Variants in FHOD1 observed in about 807,000 individuals in gnomAD.
The protein encoded by FHOD1 is FH1/FH2 domain-containing protein 1.
Under a neutral mutation model 111.6 loss-of-function variants are expected in FHOD1, and 89 were observed. The observed-to-expected ratio is 0.80, with a 90% CI of 0.67 to 0.95. FHOD1 has a LOEUF of 0.95. FHOD1 is among the 40% of genes least tolerant of loss of function. The pLI, the probability that FHOD1 is intolerant of heterozygous loss-of-function variation, is 0.00. For synonymous variants in FHOD1, 618 were observed against 639.0 expected (o/e 0.97, Z 0.50); for missense variants, 1,446 against 1,554.2 (o/e 0.93, Z 1.17).
At position 67,236,743 on chromosome 16, in the gene FHOD1, G is replaced by C. The variant is rs1285283811; in HGVS notation, c.1143-10C>G. On this transcript the variant is annotated splice_polypyrimidine_tract_variant and intron_variant, in intron 10 of 21. Transcript: ENST00000258201. ...GGCGGGGCCTGTGGGGCTGAAAGCA[G>C]GGGCTGTCAGTGGGGCGGGGCCTGA... 6.5e-7 allele frequency: 1 copy of C among 1,527,252 alleles called. No homozygotes were observed. The highest frequency in any genetic ancestry group is 2.4e-5 in the East Asian group (1 of 41,532). 94.6% of individuals were successfully genotyped at this position (1,527,252 alleles called of 1,614,324 possible).
chr16:67,237,010 A>ACGG lies in FHOD1; in HGVS notation c.1095_1097dup (p.Arg366dup), dbSNP rs779071545. The stretch of plus-strand genomic sequence containing the variant: ...CGGGGCAGCCCCCGCCTTCCAGAGA[A>ACGG]CGGCGGCTCCTCTTGCCCTCCTCAG... On this transcript the variant is annotated inframe_insertion, in exon 10 of 22. Transcript: ENST00000258201. This position sits in a 1 kb window ranked among gnomAD's most constrained non-coding sequence, Gnocchi z 5.6. The ACGG allele has an allele frequency of 1.4e-5, 23 of 1,610,338 alleles. No individual in the cohort carries two copies. The highest frequency in any genetic ancestry group is 2.0e-5 in the Non-Finnish European group (23 of 1,178,574).
chr16:67,241,114 A>ACCCCCCCCCCCCCCC (rs1186229148), intron 1 of FHOD1, among the ~76,000 whole-genome samples: 9 of 83,266 alleles, frequency 1.1e-4, no homozygotes, highest in Admixed American at 4.7e-4. Context: ...CCCTTGGATG[A>ACCCCCCCCCCCCCCC]CCCCCCCCCC....
chr16:67,241,114 A>ACCCCCCCCCCCC lies in FHOD1; in HGVS notation c.202-1661_202-1660insGGGGGGGGGGGG, dbSNP rs1186229148. 7.2e-4 allele frequency among the ~76,000 whole-genome samples: 60 copies of ACCCCCCCCCCCC among 83,304 alleles called. 1 individual carries two copies. The highest frequency in any genetic ancestry group is 1.7e-3 in the African/African-American group (31 of 17,758). 54.7% of individuals were successfully genotyped at this position (83,304 alleles called of 152,430 possible). ...GTTTAGCCTGTGGGGCCCTTGGATGACCCCCCCCCCCGCCCACCCCCGCCT... is the reference window on the plus strand; with the variant it reads ...GTTTAGCCTGTGGGGCCCTTGGATGACCCCCCCCCCCCCCCCCCCCCCCGCCCACCCCCGCCT... On this transcript the variant is annotated intron_variant, in intron 1 of 21. Transcript: ENST00000258201.
At chr16:67,245,472 A>G (rs1053873037) in intron 1 of FHOD1, among the ~76,000 whole-genome samples, 1 of 152,168 alleles carries the variant, frequency 6.6e-6, no homozygotes, top group African/African-American at 2.4e-5. Context: ...GGGGCTGGGC[A>G]TGGTGGCTCA....
chr16:67,231,975 A>G lies in FHOD1; in HGVS notation c.2202+64T>C. ...CATGCCCACCACCAGAGGGACAGGAAATGCCCACCTACCAAAGGAGAAGGC... is the reference window on the plus strand; with the variant it reads ...CATGCCCACCACCAGAGGGACAGGAGATGCCCACCTACCAAAGGAGAAGGC... On this transcript the variant is annotated intron_variant, in intron 14 of 21. Coordinates refer to ENST00000258201, the MANE Select transcript of FHOD1 (RefSeq NM_013241.3). This position sits in a 1 kb window ranked among gnomAD's most constrained non-coding sequence, Gnocchi z 4.3. The G allele has an allele frequency of 1.3e-6, 2 of 1,594,030 alleles. No individual in the cohort carries two copies. Among genetic ancestry groups the G allele is most frequent in the Non-Finnish European group, 1.7e-6 (2 of 1,168,048 alleles).
At position 67,237,492 on chromosome 16, in the gene FHOD1, C is replaced by A; in HGVS notation, c.832G>T (p.Val278Phe). 6.2e-7 allele frequency: 1 copy of A among 1,614,152 alleles called. No homozygotes were observed. The highest frequency in any genetic ancestry group is 1.3e-5 in the African/African-American group (1 of 75,010). The change falls in exon 8 of 22, where the codon GTC (valine) becomes TTC (phenylalanine). Residue 278 changes from valine to phenylalanine, a missense_variant. Around this residue, in one of 3 missense-constraint regions of FHOD1, gnomAD observed 234 missense variants for 327.4 expected, o/e 0.71. Coordinates refer to ENST00000258201, the MANE Select transcript of FHOD1 (RefSeq NM_013241.3). The surrounding 1 kb of genome is among the most constrained non-coding windows in gnomAD (Gnocchi z 5.6). ...GGCCACACCTTGTTGATGAGGGTGA[C>A]CGTGTACACCAACAACTCAGGGTCA... ...GADPELLVYT[V>F]TLINKTLAAL... is the part of the protein sequence containing the mutation.
intron 10 of FHOD1, 47 bp downstream of exon 10, chr16:67,236,919 A>G (rs887692010): frequency 1.3e-6 from 2 of 1,533,820 alleles, no homozygotes; most frequent in Non-Finnish European, 1.8e-6. Context: ...TCACTGGGCC[A>G]TGCCTAGTAG....
Position 67,231,774 on chromosome 16 carries a change from C to T in FHOD1, c.2248G>A (p.Glu750Lys). The T allele has an allele frequency of 6.2e-7, 1 of 1,613,992 alleles. No homozygotes were observed. The highest frequency in any genetic ancestry group is 1.1e-5 in the South Asian group (1 of 91,078). Residue 750 changes from glutamate to lysine, a missense_variant, in exon 15 of 22, where the codon GAG (glutamate) becomes AAG (lysine). By Grantham distance (56) the Glu-to-Lys change is moderately conservative. Around this residue, in one of 3 missense-constraint regions of FHOD1, gnomAD observed 1,085 missense variants for 1,108.8 expected, o/e 0.98. Transcript: ENST00000258201. This position sits in a 1 kb window ranked among gnomAD's most constrained non-coding sequence, Gnocchi z 4.3. ...MPTEEERQKI[E>K]EAQLANPDIP... is the part of the protein sequence containing the mutation. ...TCAGGGTTGGCCAGCTGGGCTTCCT[C>T]AATCTTCTGCCGCTCTTCCTCCGTG...
rs7342763 is a variant in FHOD1 at position 67,234,626 on chromosome 16, C to G, written c.1320-154G>C. Reference sequence around the variant, plus strand: ...TGAGCAGACCAGAACCACACCCCCCCCAAGGCCAGCCCCTCTTCAGTCCTC... The same window carrying G: ...TGAGCAGACCAGAACCACACCCCCCGCAAGGCCAGCCCCTCTTCAGTCCTC... On this transcript the variant is annotated intron_variant, in intron 11 of 21. Coordinates refer to ENST00000258201, the MANE Select transcript of FHOD1 (RefSeq NM_013241.3). The G allele has an allele frequency of 1.2e-3, 751 of 614,086 alleles. 8 individuals carry two copies. The highest frequency in any genetic ancestry group is 0.011 in the African/African-American group (627 of 55,112). 38.0% of individuals were successfully genotyped at this position (614,086 alleles called of 1,614,324 possible).
rs577792363 is a variant in FHOD1 at position 67,231,128 on chromosome 16, C to T, written c.2667+60G>A. ...ATGGGGAGAAGGGGGAGGAGCCAGG[C>T]CCAGGAAGCAGCGCTCCTCATGCCT... On this transcript the variant is annotated intron_variant, in intron 17 of 21. Transcript: ENST00000258201. This position sits in a 1 kb window ranked among gnomAD's most constrained non-coding sequence, Gnocchi z 4.3. The T allele has an allele frequency of 5.6e-4, 893 of 1,590,688 alleles. 2 individuals carry two copies. The highest frequency in any genetic ancestry group is 5.7e-4 in the Non-Finnish European group (670 of 1,165,888).
intron 1 of FHOD1, among the ~76,000 whole-genome samples, chr16:67,245,709 T>G (rs1321511184): frequency 6.6e-6 from 1 of 151,510 alleles, no homozygotes; most frequent in Non-Finnish European, 1.5e-5. Context: ...AGCCCCACTG[T>G]ACTCCAGCCT....
chr16:67,238,869 G>A lies in FHOD1; in HGVS notation c.373+34C>T, dbSNP rs369583170. The A allele has an allele frequency of 1.9e-6, 3 of 1,609,494 alleles. No homozygotes were observed. Among genetic ancestry groups the A allele is most frequent in the Non-Finnish European group, 2.6e-6 (3 of 1,175,728 alleles). ...GAGCCAACTGGGCTATGGGGAGGAGGTGCTGCTGGACATGGATGCTCTCAC... is the reference window on the plus strand; with the variant it reads ...GAGCCAACTGGGCTATGGGGAGGAGATGCTGCTGGACATGGATGCTCTCAC... On this transcript the variant is annotated intron_variant, in intron 3 of 21. Transcript: ENST00000258201. This position sits in a 1 kb window ranked among gnomAD's most constrained non-coding sequence, Gnocchi z 4.2.
intron 2 of FHOD1, among the ~76,000 whole-genome samples, 176 bp from the exon 3 acceptor site, chr16:67,239,143 C>T (rs890221084): frequency 5.3e-5 from 8 of 152,192 alleles, no homozygotes; most frequent in African/African-American, 1.9e-4. Flanking sequence ...ACACATGTAT[C>T]TCAGGTATGT....
Position 67,237,212 on chromosome 16 carries a change from C to A in FHOD1, c.993+27G>T. 6.2e-7 allele frequency: 1 copy of A among 1,607,412 alleles called. No individual in the cohort carries two copies. Among genetic ancestry groups the A allele is most frequent in the Non-Finnish European group, 8.5e-7 (1 of 1,175,370 alleles). ...GCTTCTCTCTTCCCTCTTTCCAATCCGCCTCAGAGCGTAAGGCCCGGCCCA... is the reference window on the plus strand; with the variant it reads ...GCTTCTCTCTTCCCTCTTTCCAATCAGCCTCAGAGCGTAAGGCCCGGCCCA... On this transcript the variant is annotated intron_variant, in intron 9 of 21. Transcript: ENST00000258201. This position sits in a 1 kb window ranked among gnomAD's most constrained non-coding sequence, Gnocchi z 5.6.
chr16:67,236,908 C>T (rs1421168659), intron 10 of FHOD1, 58 bp downstream of exon 10: 6 of 1,526,514 alleles, frequency 3.9e-6, no homozygotes, highest in Non-Finnish European at 5.3e-6. Context: ...GGCCTGTCAG[C>T]TCACTGGGCC....
chr16:67,236,115 C>G, intron 11 of FHOD1: 1 of 856,370 alleles, frequency 1.2e-6, no homozygotes, highest in Non-Finnish European at 1.4e-6. Flanking sequence ...GTGGTGTCAG[C>G]TCCATGGTTG....
intron 11 of FHOD1, chr16:67,235,905 G>T: frequency 6.1e-6 from 2 of 328,778 alleles, no homozygotes; most frequent in South Asian, 1.2e-4. Context: ...GAGAGGATAG[G>T]CCTGAGTCCC....
Position 67,237,473 on chromosome 16 carries a change from A to C in FHOD1, c.849+2T>G. 6.2e-7 allele frequency: 1 copy of C among 1,614,116 alleles called. No individual in the cohort carries two copies. Among genetic ancestry groups the C allele is most frequent in the Non-Finnish European group, 8.5e-7 (1 of 1,180,014 alleles). On this transcript the variant is annotated splice_donor_variant, in intron 8 of 21. Coordinates refer to ENST00000258201, the MANE Select transcript of FHOD1 (RefSeq NM_013241.3). LOFTEE classifies it high-confidence loss of function. The surrounding 1 kb of genome is among the most constrained non-coding windows in gnomAD (Gnocchi z 5.6). ...GAGCTGGCACCCAGTCCTTGGCCAC[A>C]CCTTGTTGATGAGGGTGACCGTGTA... is the stretch of plus-strand genomic sequence containing the variant.
rs769627418 is a variant in FHOD1, at chr16:67,238,221, G to A, written c.528C>T (p.Tyr176=). ...GCTGACCTCTAAGGATGTAGCTCTGGTAGTTGTGGTCGGCAGCAGCACCCA... is the reference window on the plus strand; with the variant it reads ...GCTGACCTCTAAGGATGTAGCTCTGATAGTTGTGGTCGGCAGCAGCACCCA... The part of the protein sequence containing the change: ...IRVGAAADHN[Y]QSYILRALGQ... Residue 176 remains tyrosine (Y), a synonymous_variant, in exon 5 of 22, where the codon TAC becomes TAT. Coordinates refer to ENST00000258201, the MANE Select transcript of FHOD1 (RefSeq NM_013241.3). The surrounding 1 kb of genome is among the most constrained non-coding windows in gnomAD (Gnocchi z 4.2). 6.2e-7 allele frequency: 1 copy of A among 1,614,218 alleles called. No homozygotes were observed. Among genetic ancestry groups the A allele is most frequent in the South Asian group, 1.1e-5 (1 of 91,088 alleles).
Sources: allele counts gnomAD v4.1 joint callset (sites outside exome capture counted in the v4.1 genomes callset), GRCh38; gene constraint gnomAD v4.1.1; regional missense constraint gnomAD v4.1.1; non-coding constraint Gnocchi (gnomAD v3.1); transcripts MANE v1.5; gene names NCBI Gene and HGNC (gene_info 2026-07-23, HGNC 2026-07-21).